PLEKHG7: variants seen among roughly 807,000 people sequenced by gnomAD.
PLEKHG7 encodes the protein pleckstrin homology domain-containing family G member 7.
Under a neutral mutation model 85.2 loss-of-function variants are expected in PLEKHG7, and 77 were observed. The observed-to-expected ratio is 0.90, with a 90% CI of 0.75 to 1.09. PLEKHG7 has a LOEUF of 1.09. Ranked by LOEUF, PLEKHG7 falls within the 50% of genes least tolerant of loss-of-function variation. The pLI, the probability that PLEKHG7 is intolerant of heterozygous loss-of-function variation, is 0.00. For synonymous variants in PLEKHG7, 301 were observed against 302.4 expected (o/e 1.00, Z 0.05); for missense variants, 777 against 804.3 (o/e 0.97, Z 0.41).
intron 5 of PLEKHG7, 117 bp downstream of exon 5, chr12:92,732,390 G>C: frequency 1.7e-6 from 1 of 571,638 alleles, no homozygotes; most frequent in Non-Finnish European, 2.6e-6. Flanking sequence ...CAGATGGCAC[G>C]TGAAATATAA....
chr12:92,744,887 C>G (rs1042294934), intron 9 of PLEKHG7, among the ~76,000 whole-genome samples: 2 of 152,058 alleles, frequency 1.3e-5, no homozygotes, highest in African/African-American at 4.8e-5. Context: ...AGGCTAGTCT[C>G]GAACTCCTGA....
chr12:92,721,251 G>A (rs1398071387), intron 3 of PLEKHG7, among the ~76,000 whole-genome samples: 1 of 152,216 alleles, frequency 6.6e-6, no homozygotes, highest in Non-Finnish European at 1.5e-5. Flanking sequence ...CCCATTTCCA[G>A]CAGCCAGAGA....
intron 13 of PLEKHG7, among the ~76,000 whole-genome samples, chr12:92,761,072 A>T (rs935011742): frequency 4.6e-5 from 7 of 152,204 alleles, no homozygotes; most frequent in African/African-American, 1.7e-4. Context: ...CACTAATGCT[A>T]CTGGATCAGT....
At chr12:92,727,014 G>A (rs1871834894) in intron 3 of PLEKHG7, among the ~76,000 whole-genome samples, 1 of 152,110 alleles carries the variant, frequency 6.6e-6, no homozygotes, top group Admixed American at 6.6e-5. Flanking sequence ...GAACAAGCAG[G>A]GTGCATTTGC....
At chr12:92,756,810 A>G (rs2136624256) in intron 13 of PLEKHG7, among the ~76,000 whole-genome samples, 1 of 152,296 alleles carries the variant, frequency 6.6e-6, no homozygotes, top group Middle Eastern at 3.4e-3. Flanking sequence ...GGTAGGTACT[A>G]TTGGAAGATA....
chr12:92,755,710 T>A (rs537038543), intron 11 of PLEKHG7, 115 bp from the exon 12 acceptor site: 13 of 740,942 alleles, frequency 1.8e-5, no homozygotes, highest in Middle Eastern at 2.4e-4. Flanking sequence ...CTTTATATAT[T>A]GTCTGGCTCC....
intron 3 of PLEKHG7, among the ~76,000 whole-genome samples, chr12:92,722,087 T>C (rs1182932896): frequency 6.6e-6 from 1 of 151,896 alleles, no homozygotes; most frequent in African/African-American, 2.4e-5. Context: ...AACCCTAATA[T>C]TTAGAACAGC....
intron 7 of PLEKHG7, among the ~76,000 whole-genome samples, chr12:92,738,505 G>T (rs1191668084): frequency 6.6e-6 from 1 of 152,218 alleles, no homozygotes; most frequent in East Asian, 1.9e-4. Context: ...AATCTTTTCT[G>T]CAGAGGTGCA....
At position 92,771,160 on chromosome 12, in the gene PLEKHG7, G is replaced by T. The variant is rs10507017; in HGVS notation, c.*965G>T. The T allele has an allele frequency of 1.3e-5, 2 of 151,856 alleles. No homozygotes were observed. The highest frequency in any genetic ancestry group is 4.8e-5 in the African/African-American group (2 of 41,360). 9.4% of individuals were successfully genotyped at this position (151,856 alleles called of 1,614,324 possible). A position where few individuals can be genotyped will look rare whatever the true frequency, so the allele number is the denominator to read the frequency against. Reference sequence around the variant, plus strand: ...CTACATTCAAGGAACTAGTTCTTAGGGTCAGATTATTGCATCAAAGGGAAG... The same window carrying T: ...CTACATTCAAGGAACTAGTTCTTAGTGTCAGATTATTGCATCAAAGGGAAG... On this transcript the variant is annotated 3_prime_UTR_variant, in exon 17 of 17. Transcript: ENST00000344636.
chr12:92,769,065 A>G lies in PLEKHG7; in HGVS notation c.1953A>G (p.Gln651=). ...TAGCAGCATTCTTATTACAAGCCCA[A>G]ACGGAAAACATCAAAGTATGTATTT... ...QCIAAFLLQA[Q]TENIKKTWMA... is the part of the protein sequence containing the mutation. The change falls in exon 16 of 17, where the codon CAA becomes CAG. Residue 651 remains glutamine (Q), a synonymous_variant. Transcript: ENST00000344636. 1 of 1,583,508 alleles carries G rather than the reference A, an allele frequency of 6.3e-7. No individual in the cohort carries two copies. Among genetic ancestry groups the G allele is most frequent in the Non-Finnish European group, 8.7e-7 (1 of 1,155,116 alleles).
intron 10 of PLEKHG7, among the ~76,000 whole-genome samples, chr12:92,749,273 T>A (rs78799026): frequency 0.085 from 12,882 of 152,156 alleles, 751 homozygotes; most frequent in African/African-American, 0.16. Context: ...GTTTGTTTTT[T>A]AATTAATTAA....
At chr12:92,744,518 T>C (rs2136609026) in intron 9 of PLEKHG7, among the ~76,000 whole-genome samples, 1 of 152,282 alleles carries the variant, frequency 6.6e-6, no homozygotes, top group South Asian at 2.1e-4. Flanking sequence ...TTTAGGTGGC[T>C]TACAAATGTG....
In PLEKHG7 at chr12:92,750,282, T is replaced by C. The variant is rs1872656800; in HGVS notation, c.1252-3808T>C. 2.6e-5 allele frequency among the ~76,000 whole-genome samples: 4 copies of C among 152,272 alleles called. No individual in the cohort carries two copies. The South Asian group carries it at 8.3e-4, about 32-fold the overall frequency. Reference sequence around the variant, plus strand: ...TGTCCAATCTCTCTCAATGGAAGTGTTATTTGCCTTCCCTAACGGACCTGA... The same window carrying C: ...TGTCCAATCTCTCTCAATGGAAGTGCTATTTGCCTTCCCTAACGGACCTGA... On this transcript the variant is annotated intron_variant, in intron 10 of 16. Coordinates refer to ENST00000344636, the MANE Select transcript of PLEKHG7 (RefSeq NM_001377329.1).
At chr12:92,758,823 C>T (rs1165052258) in intron 13 of PLEKHG7, among the ~76,000 whole-genome samples, 4 of 152,124 alleles carry the variant, frequency 2.6e-5, no homozygotes, top group African/African-American at 7.2e-5. Context: ...AGTTGAGCAT[C>T]GAGATTTGAT....
chr12:92,728,016 A>C (rs183631939), intron 3 of PLEKHG7, among the ~76,000 whole-genome samples: 14 of 117,618 alleles, frequency 1.2e-4, no homozygotes, highest in African/African-American at 4.7e-4. Context: ...TGTATATATA[A>C]ATATATATAC....
At chr12:92,730,308 A>G (rs971569544) in intron 4 of PLEKHG7, among the ~76,000 whole-genome samples, 3 of 152,234 alleles carry the variant, frequency 2.0e-5, no homozygotes, top group Non-Finnish European at 4.4e-5. Flanking sequence ...TGGCCTTAAC[A>G]GAGGTTACTA....
intron 10 of PLEKHG7, among the ~76,000 whole-genome samples, chr12:92,748,427 C>T (rs543582485): frequency 4.2e-4 from 64 of 152,048 alleles, no homozygotes; most frequent in African/African-American, 1.3e-3. Flanking sequence ...TTTATATTTT[C>T]GGTAGAGACG....
At chr12:92,755,748 C>T (rs1872806926) in intron 11 of PLEKHG7, 77 bp from the exon 12 acceptor site, 7 of 944,892 alleles carry the variant, frequency 7.4e-6, no homozygotes, top group Non-Finnish European at 1.0e-5. Context: ...CTAAATGATT[C>T]CTGTGGACCT....
rs922896300 is a variant in PLEKHG7, at chr12:92,707,650, G to A, written c.508G>A (p.Gly170Arg). Residue 170 changes from glycine (G) to arginine (R), a missense_variant and splice_region_variant, in exon 3 of 17, where the codon GGA becomes AGA. Physicochemically the swap from Gly to Arg is moderately radical, Grantham distance 125. Coordinates refer to ENST00000344636, the MANE Select transcript of PLEKHG7 (RefSeq NM_001377329.1). ...CATATGTTCTTAAAATTTATTTCAG[G>A]GAGAAGAATTGCACCCATCCAGGTG... is the stretch of plus-strand genomic sequence containing the variant. ...SPTLRHPSPQ[G>R]EELHPSRFYE... 3 of 1,613,396 alleles carry A rather than the reference G, an allele frequency of 1.9e-6. No homozygotes were observed. The highest frequency in any genetic ancestry group is 1.7e-5 in the Admixed American group (1 of 59,982).
Sources: allele counts gnomAD v4.1 joint callset (sites outside exome capture counted in the v4.1 genomes callset), GRCh38; gene constraint gnomAD v4.1.1; transcripts MANE v1.5; gene names NCBI Gene and HGNC (gene_info 2026-07-23, HGNC 2026-07-21).